Variants in MAGI1 observed in about 807,000 individuals in gnomAD.
MAGI1 encodes membrane associated guanylate kinase, WW and PDZ domain containing 1, also known as membrane-associated guanylate kinase, WW and PDZ domain-containing protein 1.
A neutral mutation model predicts 139.9 loss-of-function variants in MAGI1; 58 were observed. The ratio of observed to expected loss-of-function variants is 0.41; its 90% CI spans 0.34 to 0.52. The LOEUF is 0.52. Among genes scored for constraint, MAGI1 ranks in the 20% least tolerant of loss-of-function variants. The pLI is 0.12. For synonymous variants in MAGI1, 812 were observed against 737.9 expected (o/e 1.10, Z -1.63); for missense variants, 1,874 against 1,901.6 (o/e 0.99, Z 0.27).
At chr3:65,584,812 A>T (rs1336015888) in intron 2 of MAGI1, among the ~76,000 whole-genome samples, 4 of 152,202 alleles carry the variant, frequency 2.6e-5, no homozygotes, top group Non-Finnish European at 4.4e-5. Flanking sequence ...AACAGTACTC[A>T]TTTTTATCTC....
chr3:65,494,004 C>A (rs1952244163), intron 2 of MAGI1, among the ~76,000 whole-genome samples: 1 of 152,222 alleles, frequency 6.6e-6, no homozygotes, highest in South Asian at 2.1e-4. Context: ...AACGTATCCA[C>A]CTTAAGCTCA....
intron 1 of MAGI1, among the ~76,000 whole-genome samples, chr3:65,656,789 T>C (rs1483357564): frequency 1.3e-5 from 2 of 151,826 alleles, no homozygotes; most frequent in Non-Finnish European, 2.9e-5. Context: ...TTTGAGGTCA[T>C]GAGTTCGAGA....
chr3:65,901,305 G>T (rs1038826419), intron 1 of MAGI1, among the ~76,000 whole-genome samples: 1 of 152,218 alleles, frequency 6.6e-6, no homozygotes, highest in Non-Finnish European at 1.5e-5. Flanking sequence ...CCAGACCAGA[G>T]ACTGGGAGCT....
intron 2 of MAGI1, among the ~76,000 whole-genome samples, chr3:65,574,270 C>A (rs2081085034): frequency 1.3e-5 from 2 of 149,910 alleles, no homozygotes; most frequent in Admixed American, 1.3e-4. Flanking sequence ...TATATGTAAA[C>A]TGCTTGCCAT....
intron 2 of MAGI1, among the ~76,000 whole-genome samples, chr3:65,511,221 C>G (rs1357656444): frequency 1.3e-5 from 2 of 150,666 alleles, no homozygotes; most frequent in Non-Finnish European, 3.0e-5. Flanking sequence ...TAAAGACCAT[C>G]AAGACTAGGA....
chr3:65,586,423 A>T (rs1404545), intron 2 of MAGI1, among the ~76,000 whole-genome samples: 56,709 of 151,964 alleles, frequency 0.37, 11,673 homozygotes, highest in East Asian at 0.66. Context: ...AGGAATGCTG[A>T]TTTTTAGGGG....
intron 10 of MAGI1, 38 bp from the exon 11 acceptor site, chr3:65,430,919 C>A (rs1164437864): frequency 6.3e-7 from 1 of 1,579,734 alleles, no homozygotes; most frequent in African/African-American, 1.4e-5. Context: ...AATGTCACCA[C>A]TGGTGAAAAG....
chr3:65,947,902 G>C (rs1403896266), intron 1 of MAGI1, among the ~76,000 whole-genome samples: 1 of 147,814 alleles, frequency 6.8e-6, no homozygotes, highest in African/African-American at 2.5e-5. Context: ...CAGGCATTGA[G>C]CAACTGCTGT....
intron 1 of MAGI1, among the ~76,000 whole-genome samples, chr3:65,710,510 C>G (rs965798567): frequency 6.6e-6 from 1 of 152,056 alleles, no homozygotes; most frequent in Non-Finnish European, 1.5e-5. Flanking sequence ...CTCCTGACCT[C>G]AGGTGATCCA....
chr3:65,364,069 T>C (rs202017411), intron 20 of MAGI1, among the ~76,000 whole-genome samples: 1 of 150,526 alleles, frequency 6.6e-6, no homozygotes, highest in East Asian at 2.0e-4. Context: ...AGCTGGGGAC[T>C]TGTAATACCA....
chr3:65,374,313 C>CTTTTTTTTTTTTTTTTTT (rs3072933), intron 18 of MAGI1, among the ~76,000 whole-genome samples: 1 of 95,054 alleles, frequency 1.1e-5, no homozygotes, highest in Non-Finnish European at 1.9e-5. Flanking sequence ...ATCAACTTAA[C>CTTTTTTTTTTTTTTTTTT]TTTTTTTTTT....
At chr3:65,421,566 G>A (rs1192650573) in intron 12 of MAGI1, among the ~76,000 whole-genome samples, 1 of 152,104 alleles carries the variant, frequency 6.6e-6, no homozygotes, top group Non-Finnish European at 1.5e-5. Flanking sequence ...TAGCTCATAT[G>A]GCAGATTATA....
At chr3:65,605,287 A>T (rs2082684176) in intron 2 of MAGI1, among the ~76,000 whole-genome samples, 2 of 152,220 alleles carry the variant, frequency 1.3e-5, no homozygotes, top group Non-Finnish European at 2.9e-5. Context: ...CTGGCTTCAG[A>T]ACACAAATTA....
Position 65,734,072 on chromosome 3 carries a change from G to T in MAGI1, c.314-111984C>A, listed in dbSNP as rs115136234. On this transcript the variant is annotated intron_variant, in intron 1 of 22. Transcript: ENST00000402939. ...TATCTTTCTCAAAAAGAAGAACATCGTCTCAGTCGATTTTTCCCATGGCTG... is the reference window on the plus strand; with the variant it reads ...TATCTTTCTCAAAAAGAAGAACATCTTCTCAGTCGATTTTTCCCATGGCTG... Among the ~76,000 whole-genome samples, 5 of 152,196 alleles carry T rather than the reference G, an allele frequency of 3.3e-5. No individual in the cohort carries two copies. The East Asian group carries it at 5.8e-4, about 18-fold the overall frequency.
intron 1 of MAGI1, among the ~76,000 whole-genome samples, chr3:65,877,049 C>T (rs264702): frequency 0.33 from 49,483 of 152,024 alleles, 9,679 homozygotes; most frequent in African/African-American, 0.54. Flanking sequence ...GGCCTATGCT[C>T]TAATTTTTAA....
At chr3:65,639,476 G>C (rs527541651) in intron 1 of MAGI1, among the ~76,000 whole-genome samples, 1 of 152,144 alleles carries the variant, frequency 6.6e-6, no homozygotes, top group Non-Finnish European at 1.5e-5. Flanking sequence ...TTTGAGTTTC[G>C]GGAAGTCATC....
At chr3:65,682,288 G>A (rs922579949) in intron 1 of MAGI1, among the ~76,000 whole-genome samples, 1 of 152,136 alleles carries the variant, frequency 6.6e-6, no homozygotes, top group Non-Finnish European at 1.5e-5. Flanking sequence ...AGAAGGAAGT[G>A]GGAGGAATCA....
chr3:65,756,082 A>G (rs943860232), intron 1 of MAGI1, among the ~76,000 whole-genome samples: 3 of 152,236 alleles, frequency 2.0e-5, no homozygotes, highest in African/African-American at 7.2e-5. Flanking sequence ...ATGTTCGTGA[A>G]GTTAAAAATT....
At chr3:65,770,972 C>G (rs988372986) in intron 1 of MAGI1, among the ~76,000 whole-genome samples, 1 of 151,900 alleles carries the variant, frequency 6.6e-6, no homozygotes, top group Non-Finnish European at 1.5e-5. Context: ...ATTACAAACG[C>G]AAGCCACTAC....
Sources: gnomAD v4.1 joint callset for allele counts (sites outside exome capture counted in the v4.1 genomes callset) on GRCh38, gnomAD v4.1.1 for gene constraint, MANE v1.5 for transcripts, NCBI Gene and HGNC (gene_info 2026-07-23, HGNC 2026-07-21) for gene names.